Variants in WASF3 observed in about 807,000 individuals in gnomAD.
WASF3 encodes WASP family member 3, also known as actin-binding protein WASF3.
In WASF3, 11 loss-of-function variants were observed where a neutral mutation model predicts 46.6. That is an observed-to-expected ratio of 0.24 (90% CI 0.15 to 0.39). The LOEUF (loss-of-function observed/expected upper bound fraction) is 0.39, where lower values mean the gene tolerates loss of function less well. Ranked by LOEUF, WASF3 falls within the 10% of genes least tolerant of loss-of-function variation. The pLI is 1.00. For missense variants in WASF3, 576 were observed against 669.8 expected (o/e 0.86, Z 1.55); for synonymous variants, 242 against 259.7 (o/e 0.93, Z 0.65).
At chr13:26,628,836 G>A (rs1426016577) in intron 2 of WASF3, among the ~76,000 whole-genome samples, 1 of 152,204 alleles carries the variant, frequency 6.6e-6, no homozygotes, top group African/African-American at 2.4e-5. Flanking sequence ...TCATTAAGTA[G>A]GGCTTTTCTT....
intron 1 of WASF3, among the ~76,000 whole-genome samples, chr13:26,577,956 C>T (rs1449793007): frequency 1.3e-5 from 2 of 152,178 alleles, no homozygotes; most frequent in Non-Finnish European, 2.9e-5. Context: ...TAATTTGTAT[C>T]ATGTGACTTT....
intron 3 of WASF3, among the ~76,000 whole-genome samples, chr13:26,661,985 A>G (rs1476164655): frequency 6.6e-6 from 1 of 152,176 alleles, no homozygotes; most frequent in African/African-American, 2.4e-5. Context: ...GGGGGTGCCC[A>G]TGCCTGAGGC....
chr13:26,641,454 A>ATCAC (rs1467505844), intron 2 of WASF3: 4 of 152,406 alleles, frequency 2.6e-5, no homozygotes, highest in Admixed American at 6.5e-5. Flanking sequence ...CAGAAAGCCA[A>ATCAC]TCACTGAGAC....
At chr13:26,660,887 AG>A (rs1465356091) in intron 3 of WASF3, among the ~76,000 whole-genome samples, 1 of 152,106 alleles carries the variant, frequency 6.6e-6, no homozygotes, top group African/African-American at 2.4e-5. Context: ...GCTTCTGGTG[AG>A]GCCTCAGAAA....
intron 3 of WASF3, among the ~76,000 whole-genome samples, chr13:26,658,557 T>C (rs935693839): frequency 6.6e-6 from 1 of 152,214 alleles, no homozygotes; most frequent in Non-Finnish European, 1.5e-5. Flanking sequence ...CATAGAAACA[T>C]GTTTAATCCT....
chr13:26,687,791 C>G lies in WASF3; in HGVS notation c.*1946C>G, dbSNP rs1883458361. On this transcript the variant is annotated 3_prime_UTR_variant, in exon 10 of 10. Coordinates refer to ENST00000335327, the MANE Select transcript of WASF3 (RefSeq NM_006646.6). ...GGCGCTATTCTTAGGACTTCTGCAA[C>G]TTTTAAAGTCTTACTTGTCTTTCTT... 1 of 149,018 alleles carries G rather than the reference C, an allele frequency of 6.7e-6. No individual in the cohort carries two copies. The highest frequency in any genetic ancestry group is 2.5e-5 in the African/African-American group (1 of 40,392). The allele number at this position is 149,018 out of a possible 1,614,324, so 9.2% of individuals were successfully genotyped here.
chr13:26,613,237 CTAAT>C (rs1444282223), intron 2 of WASF3, among the ~76,000 whole-genome samples, 179 bp downstream of exon 2: 2 of 150,058 alleles, frequency 1.3e-5, no homozygotes, highest in Non-Finnish European at 3.0e-5. Context: ...GCTTTAGATC[CTAAT>C]TAATAGTTTG....
chr13:26,663,371 G>A (rs944461865), intron 3 of WASF3, among the ~76,000 whole-genome samples: 2 of 152,218 alleles, frequency 1.3e-5, no homozygotes, highest in Non-Finnish European at 2.9e-5. Flanking sequence ...GGATGCTGCA[G>A]CTAGTTATAG....
chr13:26,562,653 G>C (rs1378672126), intron 1 of WASF3, among the ~76,000 whole-genome samples: 1 of 152,036 alleles, frequency 6.6e-6, no homozygotes, highest in African/African-American at 2.4e-5. Flanking sequence ...AGCGGTTTCA[G>C]AGTTTCCATT....
At chr13:26,590,629 A>G (rs767109841) in intron 1 of WASF3, among the ~76,000 whole-genome samples, 23 of 152,342 alleles carry the variant, frequency 1.5e-4, no homozygotes, top group Non-Finnish European at 2.9e-4. Flanking sequence ...GGTCCAAATC[A>G]ATATGTCAAA....
chr13:26,681,273 C>T lies in WASF3; in HGVS notation c.936C>T (p.Ala312=). Residue 312 remains alanine, a synonymous_variant, in exon 8 of 10, where the codon GCC becomes GCT. Transcript: ENST00000335327. ...CGCCCCCCCCGCCTCCCCCTCAGGC[C>T]CCAGAGGGGTCCCAGGCCTCTGCAC... ...QQPPPPPPPQ[A]PEGSQASAPM... is the part of the protein sequence containing the mutation. The T allele has an allele frequency of 2.5e-6, 4 of 1,613,078 alleles. No individual in the cohort carries two copies. Among genetic ancestry groups the T allele is most frequent in the Non-Finnish European group, 3.4e-6 (4 of 1,179,740 alleles).
At chr13:26,670,815 T>C (rs961311648) in intron 5 of WASF3, among the ~76,000 whole-genome samples, 1 of 152,178 alleles carries the variant, frequency 6.6e-6, no homozygotes, top group Non-Finnish European at 1.5e-5. Flanking sequence ...CACTGGCTCT[T>C]CAGTGATTTT....
chr13:26,574,610 T>C (rs1421101299), intron 1 of WASF3, among the ~76,000 whole-genome samples: 1 of 152,186 alleles, frequency 6.6e-6, no homozygotes, highest in South Asian at 2.1e-4. Context: ...ATCTTTCTTT[T>C]AATAAGCAAG....
rs905549679 is a variant in WASF3 at position 26,672,120 on chromosome 13, A to C, written c.540+131A>C. ...AGTTTTTTTAGAGGTTGCATTTCTC[A>C]CAAAAGATCCTGACAATTCAGTCAA... On this transcript the variant is annotated intron_variant, in intron 6 of 9. Transcript: ENST00000335327. The C allele has an allele frequency of 7.2e-6, 5 of 692,114 alleles. No individual in the cohort carries two copies. In the Admixed American group the frequency reaches 1.2e-4, roughly 17 times the overall value. The allele number at this position is 692,114 out of a possible 1,614,324, so 42.9% of individuals were successfully genotyped here. A position where few individuals can be genotyped will look rare whatever the true frequency, so the allele number is the denominator to read the frequency against.
chr13:26,642,430 A>G lies in WASF3; in HGVS notation c.133+27A>G, dbSNP rs760506997. ...TAAGCCATCTTTTTTCTGATTACCA[A>G]TGACATTAACTTTTTGTTAGCAAAT... On this transcript the variant is annotated intron_variant, in intron 3 of 9. Transcript: ENST00000335327. The G allele has an allele frequency of 1.4e-5, 22 of 1,564,712 alleles. 1 individual carries two copies. The highest frequency in any genetic ancestry group is 5.5e-5 in the African/African-American group (4 of 72,124).
chr13:26,644,825 A>G (rs1331006192), intron 3 of WASF3, among the ~76,000 whole-genome samples: 1 of 152,162 alleles, frequency 6.6e-6, no homozygotes, highest in Non-Finnish European at 1.5e-5. Flanking sequence ...CAAAAGAAGG[A>G]TGTACAAAGA....
chr13:26,622,997 A>G (rs755377762), intron 2 of WASF3, among the ~76,000 whole-genome samples: 1 of 152,230 alleles, frequency 6.6e-6, no homozygotes, highest in Non-Finnish European at 1.5e-5. Context: ...CCAAAGGGTG[A>G]CAAACCCATC....
At chr13:26,620,379 G>A (rs1354069011) in intron 2 of WASF3, among the ~76,000 whole-genome samples, 2 of 151,234 alleles carry the variant, frequency 1.3e-5, no homozygotes, top group South Asian at 4.2e-4. Context: ...TGGTCTAAAA[G>A]GACTTAGAAA....
chr13:26,570,245 G>T (rs1260795883), intron 1 of WASF3, among the ~76,000 whole-genome samples: 2 of 152,158 alleles, frequency 1.3e-5, no homozygotes, highest in Non-Finnish European at 2.9e-5. Flanking sequence ...CTGAGATCCT[G>T]CCACTGCACT....
Sources: allele counts gnomAD v4.1 joint callset (sites outside exome capture counted in the v4.1 genomes callset), GRCh38; gene constraint gnomAD v4.1.1; transcripts MANE v1.5; gene names NCBI Gene and HGNC (gene_info 2026-07-23, HGNC 2026-07-21).